Variants in IQGAP2 observed in about 807,000 individuals in gnomAD.
IQGAP2 encodes IQ motif containing GTPase activating protein 2, also known as ras GTPase-activating-like protein IQGAP2.
In IQGAP2, 173 loss-of-function variants were observed where a neutral mutation model predicts 201.3. The ratio of observed to expected loss-of-function variants is 0.86; its 90% CI spans 0.76 to 0.98. The LOEUF (loss-of-function observed/expected upper bound fraction) is 0.98, where lower values mean the gene tolerates loss of function less well. IQGAP2 is among the 50% of genes least tolerant of loss of function. The pLI, the probability that IQGAP2 is intolerant of heterozygous loss-of-function variation, is 0.00. For synonymous variants in IQGAP2, 675 were observed against 673.9 expected (o/e 1.00, Z -0.03); for missense variants, 1,687 against 1,864.8 (o/e 0.90, Z 1.76).
chr5:76,510,219 C>T (rs1040767215), intron 2 of IQGAP2, among the ~76,000 whole-genome samples: 3 of 152,028 alleles, frequency 2.0e-5, no homozygotes, highest in South Asian at 2.1e-4. Context: ...AGGCTGGTCT[C>T]GAACTCCTGA....
At chr5:76,517,637 A>G (rs1758415045) in intron 2 of IQGAP2, among the ~76,000 whole-genome samples, 1 of 151,824 alleles carries the variant, frequency 6.6e-6, no homozygotes, top group Non-Finnish European at 1.5e-5. Flanking sequence ...AGTATATAAG[A>G]AAGACACTGT....
intron 2 of IQGAP2, among the ~76,000 whole-genome samples, chr5:76,469,747 G>A (rs1328754788): frequency 6.6e-6 from 1 of 151,658 alleles, no homozygotes; most frequent in Non-Finnish European, 1.5e-5. Context: ...TATTAAACAG[G>A]CTTTTTTTTT....
Position 76,637,047 on chromosome 5 carries a change from T to C in IQGAP2, c.1794T>C (p.Gly598=). The change falls in exon 16 of 36, where the codon GGT becomes GGC. Residue 598 remains glycine (G), a synonymous_variant. Transcript: ENST00000274364. ...ELKSERVSSD[G]SWLKLNLHKK... is the part of the protein sequence containing the mutation. ...TTTTTTCTTTAGTGTCTAGTGACGG[T>C]TCATGGCTCAAACTCAACCTGCACA... The C allele has an allele frequency of 1.2e-6, 2 of 1,608,916 alleles. No individual in the cohort carries two copies. The highest frequency in any genetic ancestry group is 1.7e-6 in the Non-Finnish European group (2 of 1,177,438).
intron 1 of IQGAP2, among the ~76,000 whole-genome samples, chr5:76,407,871 C>T (rs528454076): frequency 6.6e-6 from 1 of 152,316 alleles, no homozygotes; most frequent in Admixed American, 6.5e-5. Context: ...TGGCTCACAC[C>T]TGTAATCCCA....
At chr5:76,412,557 C>T (rs1751182209) in intron 1 of IQGAP2, among the ~76,000 whole-genome samples, 1 of 152,112 alleles carries the variant, frequency 6.6e-6, no homozygotes, top group Admixed American at 6.6e-5. Context: ...ATAGTTGTCT[C>T]CAAATAAGTA....
intron 9 of IQGAP2, among the ~76,000 whole-genome samples, chr5:76,593,430 A>G (rs973381187): frequency 1.9e-4 from 29 of 152,166 alleles, no homozygotes; most frequent in Admixed American, 1.6e-3. Flanking sequence ...AAATCTCATG[A>G]TGGCAGCTTT....
At chr5:76,496,342 C>T (rs1300307937) in intron 2 of IQGAP2, among the ~76,000 whole-genome samples, 1 of 152,200 alleles carries the variant, frequency 6.6e-6, no homozygotes, top group East Asian at 1.9e-4. Context: ...CATCTGGTTC[C>T]TTGCTCATGT....
intron 2 of IQGAP2, among the ~76,000 whole-genome samples, chr5:76,509,943 T>A (rs928440338): frequency 6.6e-5 from 10 of 151,880 alleles, no homozygotes; most frequent in Non-Finnish European, 1.5e-4. Context: ...TTTAGAGAGC[T>A]CCTTTTCACA....
At chr5:76,605,942 C>A (rs1294548456) in intron 11 of IQGAP2, among the ~76,000 whole-genome samples, 3 of 152,062 alleles carry the variant, frequency 2.0e-5, no homozygotes, top group African/African-American at 7.2e-5. Context: ...GTATGAGTTT[C>A]GATTTTGAAG....
Position 76,613,664 on chromosome 5 carries a change from C to T in IQGAP2, c.1521+2481C>T, listed in dbSNP as rs144650159. 6.9e-3 allele frequency among the ~76,000 whole-genome samples: 1,057 copies of T among 152,150 alleles called. 6 individuals carry two copies. Among genetic ancestry groups the T allele is most frequent in the Non-Finnish European group, 0.012 (800 of 68,002 alleles). The stretch of plus-strand genomic sequence containing the variant: ...TTATTGTGGGCACCTATGGTTGCCT[C>T]CCAAGTAAGGGGCGAGTGATGTCAG... On this transcript the variant is annotated intron_variant, in intron 13 of 35. Transcript: ENST00000274364.
chr5:76,566,138 C>G (rs1275626060), intron 3 of IQGAP2, among the ~76,000 whole-genome samples: 3 of 152,126 alleles, frequency 2.0e-5, no homozygotes, highest in Non-Finnish European at 4.4e-5. Flanking sequence ...ATGTCAGGCA[C>G]TATTCTAGGC....
rs1746585668 is a variant in IQGAP2, at chr5:76,590,705, A to G, written c.819+119A>G. 25 of 742,346 alleles carry G rather than the reference A, an allele frequency of 3.4e-5. 1 individual carries two copies. The South Asian group carries it at 4.3e-4, about 13-fold the overall frequency. 46.0% of individuals were successfully genotyped at this position (742,346 alleles called of 1,614,324 possible). ...AATTGGCTATTTTCTCTATAGCCGTAGACAATTGATTTGAATGAAATGTAG... is the reference window on the plus strand; with the variant it reads ...AATTGGCTATTTTCTCTATAGCCGTGGACAATTGATTTGAATGAAATGTAG... On this transcript the variant is annotated intron_variant, in intron 8 of 35. Coordinates refer to ENST00000274364, the MANE Select transcript of IQGAP2 (RefSeq NM_006633.5).
intron 1 of IQGAP2, among the ~76,000 whole-genome samples, chr5:76,425,211 CT>C (rs1422122991): frequency 6.6e-6 from 1 of 152,208 alleles, no homozygotes; most frequent in Non-Finnish European, 1.5e-5. Flanking sequence ...GCTGCCCTCT[CT>C]AGTGGTTCCA....
chr5:76,418,655 TGCTGTAG>T (rs1751551514), intron 1 of IQGAP2, among the ~76,000 whole-genome samples: 2 of 151,870 alleles, frequency 1.3e-5, no homozygotes, highest in South Asian at 2.1e-4. Context: ...TTGAGACCCA[TGCTGTAG>T]GAAAATATTT....
At chr5:76,683,573 A>G (rs890055114) in intron 29 of IQGAP2, among the ~76,000 whole-genome samples, 3 of 152,236 alleles carry the variant, frequency 2.0e-5, no homozygotes, top group African/African-American at 7.2e-5. Flanking sequence ...TATTTGAAAT[A>G]CCTATGTCCC....
chr5:76,589,039 C>A (rs919706805), intron 6 of IQGAP2, 66 bp downstream of exon 6: 2 of 1,117,130 alleles, frequency 1.8e-6, no homozygotes, highest in Non-Finnish European at 1.3e-6. Flanking sequence ...CCTGGCCGGG[C>A]GTGGTGGCTC....
At chr5:76,643,397 CT>C (rs2150407801) in intron 17 of IQGAP2, among the ~76,000 whole-genome samples, 1 of 152,302 alleles carries the variant, frequency 6.6e-6, no homozygotes, top group South Asian at 2.1e-4. Context: ...TAAAAACACA[CT>C]TTCTCATCTG....
intron 2 of IQGAP2, among the ~76,000 whole-genome samples, chr5:76,498,723 A>C (rs1358068625): frequency 6.6e-6 from 1 of 152,214 alleles, no homozygotes; most frequent in African/African-American, 2.4e-5. Context: ...GCATACTGCT[A>C]TTTGCACAAC....
chr5:76,444,375 C>T (rs956742877), intron 1 of IQGAP2, among the ~76,000 whole-genome samples: 6 of 152,138 alleles, frequency 3.9e-5, no homozygotes, highest in Non-Finnish European at 5.9e-5. Context: ...CTCAGCTCAC[C>T]GCAACCTCTG....
Sources: gnomAD v4.1 joint callset for allele counts (sites outside exome capture counted in the v4.1 genomes callset) on GRCh38, gnomAD v4.1.1 for gene constraint, MANE v1.5 for transcripts, NCBI Gene and HGNC (gene_info 2026-07-23, HGNC 2026-07-21) for gene names.